Variants in NTM observed in about 807,000 individuals in gnomAD.
NTM encodes the protein IgLON family member 2.
In NTM, 13 loss-of-function variants were observed where a neutral mutation model predicts 42.1. The observed-to-expected ratio is 0.31, with a 90% CI of 0.20 to 0.49. The LOEUF is 0.49. Among genes scored for constraint, NTM ranks in the 20% least tolerant of loss-of-function variants. The pLI, the probability that NTM is intolerant of heterozygous loss-of-function variation, is 0.99. For missense variants in NTM, 373 were observed against 452.8 expected, an observed-to-expected ratio of 0.82 and a Z score of 1.60; for synonymous variants, 187 against 179.2, an observed-to-expected ratio of 1.04 and a Z score of -0.35.
intron 4 of NTM, among the ~76,000 whole-genome samples, chr11:132,291,794 T>C (rs1368813999): frequency 1.3e-5 from 2 of 152,196 alleles, no homozygotes; most frequent in Non-Finnish European, 2.9e-5. Flanking sequence ...TGCTGAGAAG[T>C]CTTTTAAGAA....
intron 2 of NTM, among the ~76,000 whole-genome samples, chr11:131,917,249 T>A (rs779896366): frequency 2.0e-5 from 3 of 152,230 alleles, no homozygotes; most frequent in Non-Finnish European, 4.4e-5. Context: ...TGAGATCACG[T>A]CTTCTTCTCC....
At chr11:131,903,132 G>GA (rs59027607) in intron 1 of NTM, among the ~76,000 whole-genome samples, 6 of 150,246 alleles carry the variant, frequency 4.0e-5, no homozygotes, top group South Asian at 2.1e-4. Context: ...CTGAAGAGAA[G>GA]AAAAAAAAAA....
At chr11:132,075,508 G>T (rs1262797881) in intron 2 of NTM, among the ~76,000 whole-genome samples, 1 of 152,032 alleles carries the variant, frequency 6.6e-6, no homozygotes, top group Non-Finnish European at 1.5e-5. Context: ...CAAACATTTT[G>T]TCTTTTATTG....
intron 1 of NTM, among the ~76,000 whole-genome samples, chr11:131,471,714 G>T (rs868403465): frequency 7.6e-4 from 116 of 152,188 alleles, no homozygotes; most frequent in Middle Eastern, 6.8e-3. Flanking sequence ...TGTCCAAAAG[G>T]CAAATGCTTA....
chr11:131,813,090 T>C (rs2092804828), intron 1 of NTM, among the ~76,000 whole-genome samples: 1 of 152,206 alleles, frequency 6.6e-6, no homozygotes, highest in Non-Finnish European at 1.5e-5. Flanking sequence ...AAGGAAGTTA[T>C]GTTGACAATC....
At chr11:132,008,365 A>G (rs2071298841) in intron 2 of NTM, among the ~76,000 whole-genome samples, 1 of 152,204 alleles carries the variant, frequency 6.6e-6, no homozygotes. Flanking sequence ...GTGAGGATCA[A>G]GAGACCATGA....
intron 1 of NTM, among the ~76,000 whole-genome samples, chr11:131,734,363 T>C (rs2080133877): frequency 6.6e-6 from 1 of 152,208 alleles, no homozygotes; most frequent in African/African-American, 2.4e-5. Context: ...TTTCTGACTC[T>C]GATTTACATT....
chr11:131,606,642 A>G (rs569153342), intron 1 of NTM, among the ~76,000 whole-genome samples: 11 of 152,296 alleles, frequency 7.2e-5, no homozygotes, highest in African/African-American at 2.6e-4. Flanking sequence ...AACTGCAAAA[A>G]GTGTTCTGTC....
chr11:132,164,318 A>G (rs1407353150), intron 3 of NTM, among the ~76,000 whole-genome samples: 1 of 152,184 alleles, frequency 6.6e-6, no homozygotes, highest in East Asian at 1.9e-4. Context: ...ACATGAGATG[A>G]TACCATTAAA....
intron 2 of NTM, among the ~76,000 whole-genome samples, chr11:132,086,966 T>C (rs985949591): frequency 2.0e-5 from 3 of 152,208 alleles, no homozygotes; most frequent in Admixed American, 2.0e-4. Context: ...AAAAGAAGGC[T>C]TTCTTCTTCC....
At chr11:131,621,636 CAAAAAAAAAAA>C (rs527788930) in intron 1 of NTM, among the ~76,000 whole-genome samples, 1 of 98,998 alleles carries the variant, frequency 1.0e-5, no homozygotes, top group Admixed American at 1.4e-4. Flanking sequence ...CCTATCTTTA[CAAAAAAAAAAA>C]AAAAAAAAAA....
At chr11:131,371,026 GA>G (rs1941097139) in intron 1 of NTM, 138 bp downstream of exon 1, 1 of 1,476,410 alleles carries the variant, frequency 6.8e-7, no homozygotes, top group Non-Finnish European at 9.0e-7. Flanking sequence ...GCATGGCTGG[GA>G]CTTCATTCTC....
intron 1 of NTM, among the ~76,000 whole-genome samples, chr11:131,801,327 G>T (rs370053574): frequency 6.6e-6 from 1 of 152,112 alleles, no homozygotes; most frequent in Non-Finnish European, 1.5e-5. Flanking sequence ...ATACTGGGTG[G>T]CCAGCAGCCC....
chr11:131,522,226 C>T (rs1194774715), intron 1 of NTM, among the ~76,000 whole-genome samples: 3 of 152,054 alleles, frequency 2.0e-5, no homozygotes, highest in African/African-American at 7.2e-5. Flanking sequence ...TTCCTTGGGA[C>T]CATTGATTAC....
intron 2 of NTM, among the ~76,000 whole-genome samples, chr11:131,946,616 G>A (rs2060372055): frequency 6.6e-6 from 1 of 152,166 alleles, no homozygotes. Flanking sequence ...TCCACAGGTT[G>A]TCATGGATTT....
chr11:131,848,222 T>A (rs1355383987), intron 1 of NTM, among the ~76,000 whole-genome samples: 1 of 152,214 alleles, frequency 6.6e-6, no homozygotes, highest in Non-Finnish European at 1.5e-5. Context: ...CTCTCCTCCA[T>A]ACAGGTCTAA....
intron 7 of NTM, chr11:132,314,996 A>AAAAG: frequency 1.7e-6 from 2 of 1,167,298 alleles, no homozygotes; most frequent in Non-Finnish European, 2.1e-6. Flanking sequence ...AGGAAAATGA[A>AAAAG]AAAGAATGTT....
chr11:131,825,897 C>T (rs1163865022), intron 1 of NTM, among the ~76,000 whole-genome samples: 1 of 152,096 alleles, frequency 6.6e-6, no homozygotes, highest in Non-Finnish European at 1.5e-5. Context: ...CTAGAGGAAA[C>T]AGCGAATATG....
rs1565480882 is a variant in NTM at position 131,733,522 on chromosome 11, T to TTC, written c.83-178042_83-178041insTC. ...TCCTTCCTTCCTTCCTTCCTTCCTTTCTTTCTTTCTTTCGTTGTTTTTTGA... is the reference window on the plus strand; with the variant it reads ...TCCTTCCTTCCTTCCTTCCTTCCTTTTCCTTTCTTTCTTTCGTTGTTTTTTGA... On this transcript the variant is annotated intron_variant, in intron 1 of 8. Transcript: ENST00000683400. Among the ~76,000 whole-genome samples, 393 of 119,096 alleles carry TTC rather than the reference T, an allele frequency of 3.3e-3. 2 individuals are homozygous for TTC. Among genetic ancestry groups the TTC allele is most frequent in the African/African-American group, 0.01 (336 of 33,400 alleles). The allele number at this position is 119,096 out of a possible 152,430, so 78.1% of individuals were successfully genotyped here.
Sources: gnomAD v4.1 joint callset for allele counts (sites outside exome capture counted in the v4.1 genomes callset) on GRCh38, gnomAD v4.1.1 for gene constraint, MANE v1.5 for transcripts, NCBI Gene and HGNC (gene_info 2026-07-23, HGNC 2026-07-21) for gene names.